CXXC1: variants seen among roughly 807,000 people sequenced by gnomAD.
The protein encoded by CXXC1 is CXXC finger protein 1.
Under a neutral mutation model 83.6 loss-of-function variants are expected in CXXC1, and 21 were observed. That is an observed-to-expected ratio of 0.25 (90% CI 0.18 to 0.36). CXXC1 has a LOEUF of 0.36. Among genes scored for constraint, CXXC1 ranks in the 10% least tolerant of loss-of-function variants. The pLI is 1.00. For missense variants in CXXC1, 688 were observed against 919.5 expected (o/e 0.75, Z 3.26); for synonymous variants, 371 against 337.5 (o/e 1.10, Z -1.09).
Position 50,285,197 on chromosome 18 carries a change from C to T in CXXC1, c.717G>A (p.Leu239=). The part of the protein sequence containing the change: ...SESLPRPRRP[L]PTQQQPQPSQ... ...ATGGCTGTGGCTGCTGTTGGGTGGGCAGTGGCCGGCGGGGCCTTGGCAGGG... is the reference window on the plus strand; with the variant it reads ...ATGGCTGTGGCTGCTGTTGGGTGGGTAGTGGCCGGCGGGGCCTTGGCAGGG... Residue 239 remains leucine, a synonymous_variant, in exon 7 of 15, where the codon CTG becomes CTA. Coordinates refer to ENST00000285106, the MANE Select transcript of CXXC1 (RefSeq NM_014593.4). The surrounding 1 kb of genome is among the most constrained non-coding windows in gnomAD (Gnocchi z 4.4). 6.2e-7 allele frequency: 1 copy of T among 1,614,132 alleles called. No individual in the cohort carries two copies. The highest frequency in any genetic ancestry group is 1.1e-5 in the South Asian group (1 of 91,084).
At chr18:50,287,479 C>G in intron 1 of CXXC1, 108 bp downstream of exon 1, 1 of 1,367,746 alleles carries the variant, frequency 7.3e-7, no homozygotes, top group South Asian at 1.2e-5. Flanking sequence ...GTTCAGTCCA[C>G]AGACTCCGGT....
In CXXC1 at chr18:50,284,112, G is replaced by GGTA; in HGVS notation, c.1206-14_1206-12dup. ...ATCTCGTAGATGCGGCTGCAGGGAAGGTAGCAAGCAACAGAATGAGTGAGG... is the reference window on the plus strand; with the variant it reads ...ATCTCGTAGATGCGGCTGCAGGGAAGGTAGTAGCAAGCAACAGAATGAGTGAGG... On this transcript the variant is annotated splice_polypyrimidine_tract_variant and intron_variant, in intron 9 of 14. Coordinates refer to ENST00000285106, the MANE Select transcript of CXXC1 (RefSeq NM_014593.4). 1 of 1,600,162 alleles carries GGTA rather than the reference G, an allele frequency of 6.2e-7. No homozygotes were observed. The highest frequency in any genetic ancestry group is 1.1e-5 in the South Asian group (1 of 91,032).
Position 50,286,555 on chromosome 18 carries a change from G to A in CXXC1, c.207C>T (p.Tyr69=). Reference sequence around the variant, plus strand: ...GGCCCTCACCTCTGCACTCCCGACAGTACCACTCCCGGATGGCCTTGGCCA... The same window carrying A: ...GGCCCTCACCTCTGCACTCCCGACAATACCACTCCCGGATGGCCTTGGCCA... ...EKMAKAIREW[Y]CRECREKDPK... Residue 69 remains tyrosine, a synonymous_variant, in exon 3 of 15, where the codon TAC becomes TAT. Coordinates refer to ENST00000285106, the MANE Select transcript of CXXC1 (RefSeq NM_014593.4). 1 of 1,614,084 alleles carries A rather than the reference G, an allele frequency of 6.2e-7. No individual in the cohort carries two copies. Among genetic ancestry groups the A allele is most frequent in the Non-Finnish European group, 8.5e-7 (1 of 1,179,948 alleles).
At position 50,283,738 on chromosome 18, in the gene CXXC1, A is replaced by G. The variant is rs767135206; in HGVS notation, c.1491T>C (p.Val497=). 6.2e-7 allele frequency: 1 copy of G among 1,614,242 alleles called. No individual in the cohort carries two copies. Residue 497 remains valine (V), a synonymous_variant, in exon 11 of 15, where the codon GTT becomes GTC. Coordinates refer to ENST00000285106, the MANE Select transcript of CXXC1 (RefSeq NM_014593.4). ...VSCGHPINPR[V]ALRHMERCYA... Reference sequence around the variant, plus strand: ...AGCAGCGCTCCATGTGGCGCAAGGCAACACGTGGGTTGATGGGGTGCCCAC... The same window carrying G: ...AGCAGCGCTCCATGTGGCGCAAGGCGACACGTGGGTTGATGGGGTGCCCAC...
Position 50,283,938 on chromosome 18 carries a change from T to C in CXXC1, c.1369A>G (p.Ile457Val), listed in dbSNP as rs2040670529. The change falls in exon 10 of 15, where the codon ATC (isoleucine) becomes GTC (valine). Residue 457 changes from isoleucine (I) to valine (V), a missense_variant. Coordinates refer to ENST00000285106, the MANE Select transcript of CXXC1 (RefSeq NM_014593.4). Reference protein sequence around the residue: ...MERRFHELEAIILRAKQQAVR... With the variant: ...MERRFHELEAVILRAKQQAVR... ...GCCTGCTGCTTGGCACGTAGAATGATGGCCTCAAGCTCATGGAATCGGCGT... is the reference window on the plus strand; with the variant it reads ...GCCTGCTGCTTGGCACGTAGAATGACGGCCTCAAGCTCATGGAATCGGCGT... 1.2e-6 allele frequency: 2 copies of C among 1,613,978 alleles called. No homozygotes were observed. The highest frequency in any genetic ancestry group is 3.3e-5 in the Admixed American group (2 of 60,006).
At chr18:50,286,350 C>T in intron 3 of CXXC1, 93 bp from the exon 4 acceptor site, 1 of 1,236,188 alleles carries the variant, frequency 8.1e-7, no homozygotes, top group Admixed American at 2.0e-5. Flanking sequence ...CCTTACTGAC[C>T]CACCCACCTA....
chr18:50,284,610 A>T (rs750850379), intron 8 of CXXC1, 48 bp from the exon 9 acceptor site: 1 of 1,586,026 alleles, frequency 6.3e-7, no homozygotes, highest in Non-Finnish European at 8.6e-7. Flanking sequence ...AGTCAGCCCC[A>T]GACCCCAGAC....
At chr18:50,283,057 G>A (rs1320565704) in intron 13 of CXXC1, 51 bp from the exon 14 acceptor site, 5 of 1,594,718 alleles carry the variant, frequency 3.1e-6, no homozygotes, top group Non-Finnish European at 3.4e-6. Context: ...AGGGAGAATA[G>A]GAATGGGGGC....
chr18:50,284,432 GC>G lies in CXXC1; in HGVS notation c.1150del (p.Ala384ProfsTer14). The G allele has an allele frequency of 6.3e-7, 1 of 1,593,506 alleles. No individual in the cohort carries two copies. Among genetic ancestry groups the G allele is most frequent in the Admixed American group, 1.8e-5 (1 of 56,626 alleles). Reference protein sequence around the residue: ...QCLGPGCVRPAQPSSKYCSDD... With the variant: ...QCLGPGCVRPXQPSSKYCSDD... ...TGAGCAATACTTGGAGCTGGGCTGGGCGGGGCGCACACAGCCGGGCCCCAGG... is the reference window on the plus strand; with the variant it reads ...TGAGCAATACTTGGAGCTGGGCTGGGGGGGCGCACACAGCCGGGCCCCAGG... On this transcript the variant is annotated frameshift_variant, in exon 9 of 15. Coordinates refer to ENST00000285106, the MANE Select transcript of CXXC1 (RefSeq NM_014593.4). LOFTEE classifies it high-confidence loss of function.
intron 2 of CXXC1, 48 bp from the exon 3 acceptor site, chr18:50,286,687 C>T (rs1182425355): frequency 1.2e-6 from 2 of 1,605,162 alleles, no homozygotes; most frequent in East Asian, 2.2e-5. Context: ...CGCGGCCCAT[C>T]GGCCTCACCC....
chr18:50,287,645 A>C lies in CXXC1; in HGVS notation c.-56T>G. On this transcript the variant is annotated 5_prime_UTR_variant, in exon 1 of 15. Coordinates refer to ENST00000285106, the MANE Select transcript of CXXC1 (RefSeq NM_014593.4). ...CCCCGCCAGCGACCCGCGAACCTGC[A>C]CAGACCACTCGGCGGCGTCCCAGGC... 6.2e-7 allele frequency: 1 copy of C among 1,604,206 alleles called. No individual in the cohort carries two copies. Among genetic ancestry groups the C allele is most frequent in the South Asian group, 1.1e-5 (1 of 90,802 alleles).
rs1351261250 is a variant in CXXC1, at chr18:50,284,192, T to C, written c.1206-91A>G. 4.7e-6 allele frequency: 7 copies of C among 1,479,466 alleles called. No individual in the cohort carries two copies. In the East Asian group the frequency reaches 1.4e-4, roughly 29 times the overall value. 91.6% of individuals were successfully genotyped at this position (1,479,466 alleles called of 1,614,324 possible). ...CGCAAATGGCAAAAGGAGAAGTAAA[T>C]AGGTGACTGGCGGAATGGTGGCTGG... On this transcript the variant is annotated intron_variant, in intron 9 of 14. Transcript: ENST00000285106.
At chr18:50,284,967 C>T (rs757328744) in intron 7 of CXXC1, 35 bp downstream of exon 7, 10 of 1,613,488 alleles carry the variant, frequency 6.2e-6, no homozygotes, top group Middle Eastern at 1.6e-4. Context: ...CTGTAACCTC[C>T]ACCCTTCCAC....
Position 50,285,491 on chromosome 18 carries a change from G to T in CXXC1, c.640-140C>A. ...CTCATTGCCAGGAATGCTCAGCCCT[G>T]CCTGATCTGTACCAACATGCATGAC... is the stretch of plus-strand genomic sequence containing the variant. On this transcript the variant is annotated intron_variant, in intron 5 of 14. Coordinates refer to ENST00000285106, the MANE Select transcript of CXXC1 (RefSeq NM_014593.4). The surrounding 1 kb of genome is among the most constrained non-coding windows in gnomAD (Gnocchi z 4.4). 3 of 1,154,466 alleles carry T rather than the reference G, an allele frequency of 2.6e-6. No individual in the cohort carries two copies. Among genetic ancestry groups the T allele is most frequent in the Non-Finnish European group, 3.6e-6 (3 of 826,226 alleles). The allele number at this position is 1,154,466 out of a possible 1,614,324, so 71.5% of individuals were successfully genotyped here.
Position 50,282,615 on chromosome 18 carries a change from A to C in CXXC1, c.1949T>G (p.Leu650Arg). Reference sequence around the variant, plus strand: ...GGCTCAGCGGTCGGCACTGGAGCGCAGGTCGGTAGTGAGGGGATCGTGCTG... The same window carrying C: ...GGCTCAGCGGTCGGCACTGGAGCGCCGGTCGGTAGTGAGGGGATCGTGCTG... The part of the protein sequence containing the change: ...TIQHDPLTTD[L>R]RSSADR The change falls in exon 15 of 15, where the codon CTG (leucine) becomes CGG (arginine). Residue 650 changes from leucine (L) to arginine (R), a missense_variant. Leu to Arg is a moderately radical substitution (Grantham distance 102). Transcript: ENST00000285106. This position sits in a 1 kb window ranked among gnomAD's most constrained non-coding sequence, Gnocchi z 5.8. The C allele has an allele frequency of 3.1e-6, 5 of 1,611,040 alleles. No individual in the cohort carries two copies. The highest frequency in any genetic ancestry group is 4.2e-6 in the Non-Finnish European group (5 of 1,180,006).
intron 9 of CXXC1, 115 bp downstream of exon 9, chr18:50,284,263 T>C: frequency 6.7e-7 from 1 of 1,481,662 alleles, no homozygotes; most frequent in Non-Finnish European, 9.1e-7. Context: ...GGTGAGTGGG[T>C]AGTGGCTGTT....
Position 50,285,108 on chromosome 18 carries a change from G to C in CXXC1, c.806C>G (p.Pro269Arg), listed in dbSNP as rs1429887895. ...CTCAGGTGTGGCTGTAGCCTCAGGA[G>C]GCTCCTTGACTGTTGATGACGCCAC... ...GAVASSTVKE[P>R]PEATATPEPL... Residue 269 changes from proline (P) to arginine (R), a missense_variant, in exon 7 of 15, where the codon CCT (proline) becomes CGT (arginine). Pro to Arg is a moderately radical substitution (Grantham distance 103, BLOSUM62 -2). Coordinates refer to ENST00000285106, the MANE Select transcript of CXXC1 (RefSeq NM_014593.4). This position sits in a 1 kb window ranked among gnomAD's most constrained non-coding sequence, Gnocchi z 4.4. 2 of 1,614,120 alleles carry C rather than the reference G, an allele frequency of 1.2e-6. No individual in the cohort carries two copies. The highest frequency in any genetic ancestry group is 1.3e-5 in the African/African-American group (1 of 74,940).
chr18:50,286,332 C>T (rs751313064), intron 3 of CXXC1, 75 bp from the exon 4 acceptor site: 27 of 1,370,242 alleles, frequency 2.0e-5, no homozygotes, highest in Non-Finnish European at 2.7e-5. Context: ...CTTTCTTCCT[C>T]TTCGCTCCCT....
chr18:50,284,721 C>T lies in CXXC1; in HGVS notation c.1020+11G>A. The T allele has an allele frequency of 1.2e-6, 2 of 1,612,624 alleles. No individual in the cohort carries two copies. The highest frequency in any genetic ancestry group is 1.1e-5 in the South Asian group (1 of 90,888). ...TCTGCCTTTCCACATCCACTTTACC[C>T]TCTCCATCACCTTCTTCTCAGACTT... On this transcript the variant is annotated intron_variant, in intron 8 of 14. Transcript: ENST00000285106.
Sources: allele counts gnomAD v4.1 joint callset, GRCh38; gene constraint gnomAD v4.1.1; non-coding constraint Gnocchi (gnomAD v3.1); transcripts MANE v1.5; gene names NCBI Gene and HGNC (gene_info 2026-07-23, HGNC 2026-07-21).